The following RXFP2 variants were observed in gnomAD, a reference collection of about 807,000 sequenced individuals.
RXFP2 encodes relaxin family peptide receptor 2, also known as relaxin receptor 2.
Under a neutral mutation model 88.6 loss-of-function variants are expected in RXFP2, and 68 were observed. That is an observed-to-expected ratio of 0.77 (90% CI 0.63 to 0.94). The LOEUF (loss-of-function observed/expected upper bound fraction) is 0.94, where lower values mean the gene tolerates loss of function less well. Ranked by LOEUF, RXFP2 falls within the 40% of genes least tolerant of loss-of-function variation. The probability of loss-of-function intolerance (pLI) is 0.00; values close to 1 mark genes in which losing one functional copy is unlikely to be tolerated. For synonymous variants in RXFP2, 329 were observed against 306.8 expected, an observed-to-expected ratio of 1.07 and a Z score of -0.76; for missense variants, 791 against 893.9, an observed-to-expected ratio of 0.88 and a Z score of 1.47.
In RXFP2 at chr13:31,793,028, C is replaced by A. The variant is rs202139579; in HGVS notation, c.1726C>A (p.Leu576Ile). The A allele has an allele frequency of 2.5e-6, 4 of 1,613,136 alleles. No homozygotes were observed. The African/African-American group carries it at 4.0e-5, about 16-fold the overall frequency. The change falls in exon 16 of 18, where the codon CTT (leucine) becomes ATT (isoleucine). Residue 576 changes from leucine to isoleucine, a missense_variant. Transcript: ENST00000298386. ...FYGKNGVCFP[L>I]YYDQTEDIGS... is the part of the protein sequence containing the mutation. ...TGGGAAAAATGGAGTATGTTTCCCA[C>A]TTTATTATGACCAAACAGAAGATAT... is the stretch of plus-strand genomic sequence containing the variant.
intron 14 of RXFP2, among the ~76,000 whole-genome samples, chr13:31,790,963 G>C (rs1873764124): frequency 6.6e-6 from 1 of 152,204 alleles, no homozygotes; most frequent in African/African-American, 2.4e-5. Context: ...CAGGCAGCCA[G>C]GGGTCTGATA....
chr13:31,750,668 G>T (rs1871627580), intron 1 of RXFP2, among the ~76,000 whole-genome samples: 1 of 152,144 alleles, frequency 6.6e-6, no homozygotes, highest in African/African-American at 2.4e-5. Context: ...TTTAACCTGG[G>T]GACAAAGGTT....
chr13:31,766,383 G>A (rs965280259), intron 5 of RXFP2, among the ~76,000 whole-genome samples: 3 of 151,952 alleles, frequency 2.0e-5, no homozygotes, highest in Non-Finnish European at 4.4e-5. Context: ...GCATAAACAA[G>A]AACAATCAGA....
At chr13:31,749,536 C>T (rs923153022) in intron 1 of RXFP2, among the ~76,000 whole-genome samples, 1 of 152,110 alleles carries the variant, frequency 6.6e-6, no homozygotes, top group African/African-American at 2.4e-5. Flanking sequence ...AAAGAATGAA[C>T]ATCTTTAAAA....
intron 9 of RXFP2, among the ~76,000 whole-genome samples, chr13:31,779,688 T>C (rs1024575273): frequency 1.3e-5 from 2 of 152,302 alleles, no homozygotes; most frequent in Middle Eastern, 3.4e-3. Context: ...AAAATGCTGA[T>C]GGTAGCGCTG....
chr13:31,776,114 C>CTTTCTTTCT (rs1555284082), intron 7 of RXFP2, among the ~76,000 whole-genome samples: 2 of 135,978 alleles, frequency 1.5e-5, no homozygotes, highest in African/African-American at 6.0e-5. Flanking sequence ...TTCTTTCTTT[C>CTTTCTTTCT]TTTCTTTCTT....
chr13:31,762,397 G>A (rs9603657), intron 3 of RXFP2, among the ~76,000 whole-genome samples: 50,724 of 151,962 alleles, frequency 0.33, 9,187 homozygotes, highest in Admixed American at 0.43. Flanking sequence ...ACAAAACACT[G>A]GGGTCAGAAG....
chr13:31,739,794 T>C lies in RXFP2; in HGVS notation c.94+88T>C, dbSNP rs921251457. The C allele has an allele frequency of 4.7e-6, 4 of 852,346 alleles. No homozygotes were observed. In the African/African-American group the frequency reaches 6.7e-5, roughly 14 times the overall value. 52.8% of individuals were successfully genotyped at this position (852,346 alleles called of 1,614,324 possible). On this transcript the variant is annotated intron_variant, in intron 1 of 17. Coordinates refer to ENST00000298386, the MANE Select transcript of RXFP2 (RefSeq NM_130806.5). Reference sequence around the variant, plus strand: ...TTCTATGGCAGTTGTAATAAATATATTGGGGTGTTTAAAAAAAAAACAGAC... The same window carrying C: ...TTCTATGGCAGTTGTAATAAATATACTGGGGTGTTTAAAAAAAAAACAGAC...
chr13:31,760,452 C>G (rs952629013), intron 2 of RXFP2, among the ~76,000 whole-genome samples: 1 of 152,158 alleles, frequency 6.6e-6, no homozygotes, highest in African/African-American at 2.4e-5. Flanking sequence ...AGTCTTATCA[C>G]CAGAGCTTAG....
intron 11 of RXFP2, among the ~76,000 whole-genome samples, chr13:31,783,804 GTTTGTTTGTTTTGT>G (rs1469184032): frequency 3.3e-5 from 5 of 151,570 alleles, no homozygotes; most frequent in African/African-American, 1.2e-4. Flanking sequence ...TTTTTTGTTT[GTTTGTTTGTTTTGT>G]TTTGTTTTGT....
intron 10 of RXFP2, among the ~76,000 whole-genome samples, chr13:31,782,474 C>G (rs933339473): frequency 3.9e-5 from 6 of 152,170 alleles, no homozygotes; most frequent in African/African-American, 1.2e-4. Flanking sequence ...CCTCAAATTG[C>G]TCATGACAGC....
At chr13:31,776,136 TTCTTTCTCTTTCTCTCTCTCTC>T (rs1872958271) in intron 7 of RXFP2, among the ~76,000 whole-genome samples, 1 of 149,824 alleles carries the variant, frequency 6.7e-6, no homozygotes, top group Non-Finnish European at 1.5e-5. Flanking sequence ...CTTTCTTTCT[TTCTTTCTCTTTCTCTCTCTCTC>T]TCTTTCTTCC....
At chr13:31,742,595 C>G (rs1871262080) in intron 1 of RXFP2, among the ~76,000 whole-genome samples, 1 of 152,218 alleles carries the variant, frequency 6.6e-6, no homozygotes, top group South Asian at 2.1e-4. Flanking sequence ...CATCTCACAA[C>G]AGATGCTTAC....
chr13:31,775,265 G>C lies in RXFP2; in HGVS notation c.570-53G>C, dbSNP rs140338794. 2.5e-5 allele frequency: 33 copies of C among 1,306,956 alleles called. No individual in the cohort carries two copies. In the African/African-American group the frequency reaches 3.5e-4, roughly 14 times the overall value. The allele number at this position is 1,306,956 out of a possible 1,614,324, so 81.0% of individuals were successfully genotyped here. ...AGTGGCTCATATTCTAATTATATGT[G>C]ACTAAAATAGGGTATTGAGTTTGCC... On this transcript the variant is annotated intron_variant, in intron 6 of 17. Transcript: ENST00000298386.
At chr13:31,767,428 G>A (rs1301435589) in intron 5 of RXFP2, among the ~76,000 whole-genome samples, 2 of 152,102 alleles carry the variant, frequency 1.3e-5, no homozygotes, top group African/African-American at 2.4e-5. Flanking sequence ...ATTCTTCCTA[G>A]TCTTCCAAGA....
intron 9 of RXFP2, among the ~76,000 whole-genome samples, chr13:31,779,089 T>C (rs1044906713): frequency 6.6e-6 from 1 of 151,118 alleles, no homozygotes; most frequent in African/African-American, 2.4e-5. Flanking sequence ...CTCATCCCTA[T>C]CTCAGGGTAC....
intron 2 of RXFP2, among the ~76,000 whole-genome samples, chr13:31,759,408 A>AGAAAGAAAGAAAGAAAGAAAGAAAGAG: frequency 6.7e-6 from 1 of 150,218 alleles, no homozygotes; most frequent in African/African-American, 2.5e-5. Context: ...AAAGAAAGAA[A>AGAAAGAAAGAAAGAAAGAAAGAAAGAG]GAAAGAAAGA....
In RXFP2 at chr13:31,754,535, A is replaced by AG. The variant is rs534037398; in HGVS notation, c.95-3722dup. Among the ~76,000 whole-genome samples, 331 of 151,902 alleles carry AG rather than the reference A, an allele frequency of 2.2e-3. 1 individual carries two copies. The highest frequency in any genetic ancestry group is 7.5e-3 in the African/African-American group (313 of 41,516). ...GACAGGGCAAGATTCCATCTCAAGA[A>AG]GAAAAAAAAAAGCAACTCATAGTTA... On this transcript the variant is annotated intron_variant, in intron 1 of 17. Transcript: ENST00000298386.
intron 12 of RXFP2, 26 bp from the exon 13 acceptor site, chr13:31,786,540 C>G (rs1254235692): frequency 1.3e-6 from 2 of 1,526,078 alleles, no homozygotes; most frequent in African/African-American, 3.1e-5. Flanking sequence ...TTCTTTTCCT[C>G]TCTCATCTAA....
Sources: allele counts gnomAD v4.1 joint callset (sites outside exome capture counted in the v4.1 genomes callset), GRCh38; gene constraint gnomAD v4.1.1; transcripts MANE v1.5; gene names NCBI Gene and HGNC (gene_info 2026-07-23, HGNC 2026-07-21).